Variants in NRXN1 observed in about 807,000 individuals in gnomAD.
NRXN1 encodes neurexin 1, also known as neurexin-1.
A neutral mutation model predicts 150.9 loss-of-function variants in NRXN1; 39 were observed. The observed-to-expected ratio is 0.26, with a 90% CI of 0.20 to 0.34. The LOEUF (loss-of-function observed/expected upper bound fraction) is 0.34. Among genes scored for constraint, NRXN1 ranks in the 10% least tolerant of loss-of-function variants. NRXN1 has a pLI of 1.00. For missense variants in NRXN1, 1,815 were observed against 1,949.9 expected (o/e 0.93, Z 1.30); for synonymous variants, 924 against 757.0 (o/e 1.22, Z -3.62).
intron 5 of NRXN1, among the ~76,000 whole-genome samples, chr2:50,913,362 G>C (rs1177960086): frequency 6.6e-6 from 1 of 151,658 alleles, no homozygotes; most frequent in Non-Finnish European, 1.5e-5. Context: ...AAATTTGATT[G>C]TTTCCTTAAA....
Position 50,053,368 on chromosome 2 carries a change from T to G in NRXN1, c.4031A>C (p.Gln1344Pro), listed in dbSNP as rs776366303. The G allele has an allele frequency of 6.2e-7, 1 of 1,613,906 alleles. No homozygotes were observed. The highest frequency in any genetic ancestry group is 1.3e-5 in the African/African-American group (1 of 74,920). ...MTTESTATAM[Q>P]SEMSTSIMET... ...CATAATTGATGTGGACATCTCTGAT[T>G]GCATGGCAGTGGCTGTTGACTCAGT... The change falls in exon 21 of 23, where the codon CAA becomes CCA. Residue 1344 changes from glutamine (Q) to proline (P), a missense_variant. Transcript: ENST00000401669.
In NRXN1 at chr2:50,248,585, T is replaced by C. The variant is rs1214901927; in HGVS notation, c.3365-11615A>G. Among the ~76,000 whole-genome samples the C allele has an allele frequency of 3.3e-5, 5 of 152,206 alleles. No homozygotes were observed. The East Asian group carries it at 9.6e-4, about 29-fold the overall frequency. On this transcript the variant is annotated intron_variant, in intron 17 of 22. Coordinates refer to ENST00000401669, the MANE Select transcript of NRXN1 (RefSeq NM_001330078.2). ...AATAGAAATTGCCTAAGTAGAGTAG[T>C]CAACTCTGGGATCAGTTCACCCAAA...
intron 15 of NRXN1, 136 bp from the exon 16 acceptor site, chr2:50,472,607 C>T: frequency 1.6e-6 from 1 of 633,974 alleles, no homozygotes; most frequent in South Asian, 2.4e-5. Context: ...GCTGTTTTCC[C>T]CAAAGTGCTA....
chr2:50,644,037 T>G (rs1427691403), intron 5 of NRXN1, among the ~76,000 whole-genome samples: 1 of 151,736 alleles, frequency 6.6e-6, no homozygotes, highest in Non-Finnish European at 1.5e-5. Flanking sequence ...TTTTACTTAT[T>G]TTGGTTGTGC....
chr2:50,239,733 C>G (rs1249058475), intron 17 of NRXN1, among the ~76,000 whole-genome samples: 2 of 111,562 alleles, frequency 1.8e-5, no homozygotes, highest in East Asian at 5.6e-4. Flanking sequence ...AGAAATATTT[C>G]TGTTATCATA....
chr2:50,368,306 A>C (rs2079749236), intron 17 of NRXN1, among the ~76,000 whole-genome samples: 1 of 151,998 alleles, frequency 6.6e-6, no homozygotes. Flanking sequence ...TAGAGCAAGA[A>C]ACATTAACAA....
intron 18 of NRXN1, among the ~76,000 whole-genome samples, chr2:50,188,127 A>G (rs2061207289): frequency 2.0e-5 from 3 of 152,058 alleles, no homozygotes; most frequent in South Asian, 4.1e-4. Flanking sequence ...GAATAAGAGT[A>G]CAAGGCTACA....
intron 8 of NRXN1, among the ~76,000 whole-genome samples, chr2:50,562,100 A>C (rs1275886727): frequency 2.0e-5 from 3 of 152,160 alleles, no homozygotes; most frequent in African/African-American, 7.2e-5. Flanking sequence ...ATACCAAGAA[A>C]ATATCTTTGA....
At chr2:50,976,183 TTTATG>T (rs1247516463) in intron 2 of NRXN1, among the ~76,000 whole-genome samples, 4 of 150,084 alleles carry the variant, frequency 2.7e-5, no homozygotes, top group Non-Finnish European at 5.9e-5. Context: ...AATCAATTAT[TTTATG>T]TTATTCTTTT....
Position 50,357,302 on chromosome 2 carries a change from ATTTT to A in NRXN1, c.3364+108136_3364+108139del, listed in dbSNP as rs10597647. ...AAATAATACATTTATTTATTTATTTATTTTTTTTTTTATTTATTATTTTGAGACA... is the reference window on the plus strand; with the variant it reads ...AAATAATACATTTATTTATTTATTTATTTTTTTATTTATTATTTTGAGACA... On this transcript the variant is annotated intron_variant, in intron 17 of 22. Transcript: ENST00000401669. Among the ~76,000 whole-genome samples, 53 of 142,898 alleles carry A rather than the reference ATTTT, an allele frequency of 3.7e-4. 1 individual carries two copies. Among genetic ancestry groups the A allele is most frequent in the Admixed American group, 1.7e-3 (25 of 14,796 alleles). The allele number at this position is 142,898 out of a possible 152,430, so 93.7% of individuals were successfully genotyped here.
At chr2:50,740,328 C>T (rs1699280124) in intron 5 of NRXN1, among the ~76,000 whole-genome samples, 2 of 152,132 alleles carry the variant, frequency 1.3e-5, no homozygotes, top group African/African-American at 4.8e-5. Flanking sequence ...TCATTTGAAA[C>T]ATACACCCAC....
intron 5 of NRXN1, among the ~76,000 whole-genome samples, chr2:50,899,033 AAAG>A (rs1235070833): frequency 2.0e-5 from 3 of 152,184 alleles, no homozygotes. Flanking sequence ...ACAGCTTGAA[AAAG>A]AAGATGATGT....
intron 17 of NRXN1, among the ~76,000 whole-genome samples, chr2:50,440,181 T>G (rs1300338488): frequency 6.6e-6 from 1 of 152,038 alleles, no homozygotes; most frequent in African/African-American, 2.4e-5. Flanking sequence ...CAGGGACTAG[T>G]ATGGCATACA....
chr2:50,947,529 A>G (rs1338416621), intron 2 of NRXN1, among the ~76,000 whole-genome samples: 4 of 151,982 alleles, frequency 2.6e-5, no homozygotes, highest in Non-Finnish European at 5.9e-5. Flanking sequence ...AAGAAATTTT[A>G]TTCTAGACAA....
chr2:50,096,571 A>T (rs1007139909), intron 18 of NRXN1, among the ~76,000 whole-genome samples: 1 of 152,214 alleles, frequency 6.6e-6, no homozygotes, highest in African/African-American at 2.4e-5. Flanking sequence ...CTCCCTGTAC[A>T]TGTCTTGATC....
chr2:50,694,935 G>A (rs1258040855), intron 5 of NRXN1, among the ~76,000 whole-genome samples: 2 of 152,118 alleles, frequency 1.3e-5, no homozygotes, highest in African/African-American at 4.8e-5. Flanking sequence ...AACTGATGGG[G>A]CTGAAAGACA....
At chr2:50,641,442 C>T (rs1242153264) in intron 5 of NRXN1, among the ~76,000 whole-genome samples, 1 of 152,096 alleles carries the variant, frequency 6.6e-6, no homozygotes, top group Non-Finnish European at 1.5e-5. Flanking sequence ...GGATTCTCTT[C>T]AGTGAAACAT....
intron 17 of NRXN1, among the ~76,000 whole-genome samples, chr2:50,322,017 G>A (rs1004347890): frequency 2.2e-5 from 3 of 137,524 alleles, no homozygotes; most frequent in South Asian, 2.3e-4. Context: ...GATCACAGAC[G>A]TAAAAAATTA....
intron 9 of NRXN1, among the ~76,000 whole-genome samples, chr2:50,551,008 G>A (rs12052965): frequency 0.28 from 40,946 of 143,922 alleles, 6,112 homozygotes; most frequent in East Asian, 0.53. Context: ...AGAAAGAAGA[G>A]GAGGAGGAAG....
Sources: gnomAD v4.1 joint callset for allele counts (sites outside exome capture counted in the v4.1 genomes callset) on GRCh38, gnomAD v4.1.1 for gene constraint, MANE v1.5 for transcripts, NCBI Gene and HGNC (gene_info 2026-07-23, HGNC 2026-07-21) for gene names.